The following ANKRD42 variants were observed in gnomAD, a reference collection of about 807,000 sequenced individuals.
The protein encoded by ANKRD42 is ankyrin repeat domain 42.
ANKRD42 carries 43 observed loss-of-function variants against 51.5 expected under a neutral mutation model. The observed-to-expected ratio is 0.83, with a 90% CI of 0.65 to 1.08. ANKRD42 has a LOEUF of 1.08. ANKRD42 is among the 50% of genes least tolerant of loss of function. The probability of loss-of-function intolerance (pLI) is 0.00; values close to 1 mark genes in which losing one functional copy is unlikely to be tolerated. For synonymous variants in ANKRD42, 203 were observed against 213.0 expected (o/e 0.95, Z 0.41); for missense variants, 608 against 629.3 (o/e 0.97, Z 0.36).
rs903072829 is a variant in ANKRD42, at chr11:83,210,343, G to A, written c.374G>A (p.Arg125Gln). The change falls in exon 4 of 11, where the codon CGG becomes CAG. Residue 125 changes from arginine (R) to glutamine (Q), a missense_variant. Arg to Gln is a conservative substitution (Grantham distance 43). Transcript: ENST00000533342. Reference sequence around the variant, plus strand: ...GCAAATCTGACAGCCCAGGATGACCGGGGATGCACTCCTTTACATCTTGCT... The same window carrying A: ...GCAAATCTGACAGCCCAGGATGACCAGGGATGCACTCCTTTACATCTTGCT... ...NGANLTAQDD[R>Q]GCTPLHLAAT... 3.1e-6 allele frequency: 5 copies of A among 1,613,798 alleles called. No individual in the cohort carries two copies. Among genetic ancestry groups the A allele is most frequent in the Middle Eastern group, 3.3e-4 (2 of 6,058 alleles).
chr11:83,216,907 G>A (rs1015138397), intron 5 of ANKRD42, among the ~76,000 whole-genome samples: 5 of 152,158 alleles, frequency 3.3e-5, no homozygotes, highest in African/African-American at 9.7e-5. Context: ...GGAACTGGGC[G>A]GCAGTCATTC....
intron 11 of ANKRD42, among the ~76,000 whole-genome samples, chr11:83,254,615 G>T (rs1863734599): frequency 6.6e-6 from 1 of 151,810 alleles, no homozygotes; most frequent in Non-Finnish European, 1.5e-5. Context: ...ATTTTTAGCG[G>T]AGATAGGGTT....
At chr11:83,208,394 T>A (rs533324793) in intron 3 of ANKRD42, among the ~76,000 whole-genome samples, 30 of 152,246 alleles carry the variant, frequency 2.0e-4, no homozygotes, top group Admixed American at 7.8e-4. Flanking sequence ...TGAATATGTT[T>A]GTATATATAT....
intron 3 of ANKRD42, among the ~76,000 whole-genome samples, chr11:83,208,290 C>T (rs1862161699): frequency 1.3e-5 from 2 of 152,028 alleles, no homozygotes; most frequent in African/African-American, 2.4e-5. Flanking sequence ...CCTTGGCCTC[C>T]CAAAATGCTG....
chr11:83,248,245 A>G lies in ANKRD42; in HGVS notation c.*41A>G, dbSNP rs1175587748. ...TAACCTTTTTGTGCCTCAACTATAA[A>G]CTGGAGATGATAACTTATACTTTCT... On this transcript the variant is annotated 3_prime_UTR_variant, in exon 11 of 11. Coordinates refer to ENST00000533342, the MANE Select transcript of ANKRD42 (RefSeq NM_001300975.2). 1 of 1,451,744 alleles carries G rather than the reference A, an allele frequency of 6.9e-7. No homozygotes were observed. The highest frequency in any genetic ancestry group is 1.4e-5 in the African/African-American group (1 of 69,714). 89.9% of individuals were successfully genotyped at this position (1,451,744 alleles called of 1,614,324 possible).
chr11:83,225,316 C>A (rs1184979453), intron 6 of ANKRD42, among the ~76,000 whole-genome samples: 1 of 152,026 alleles, frequency 6.6e-6, no homozygotes, highest in East Asian at 1.9e-4. Flanking sequence ...CCGGTAATCC[C>A]AGAACTTCGG....
rs190406252 is a variant in ANKRD42, at chr11:83,219,802, T to G, written c.587-5053T>G. ...TTCTACTATCCACATGAAAATTACC[T>G]GTCTTTAAATTGTCCTGATGTGGGG... On this transcript the variant is annotated intron_variant, in intron 5 of 10. Transcript: ENST00000533342. Among the ~76,000 whole-genome samples, 294 of 152,330 alleles carry G rather than the reference T, an allele frequency of 1.9e-3. 1 individual carries two copies. The highest frequency in any genetic ancestry group is 6.6e-3 in the African/African-American group (273 of 41,574).
intron 5 of ANKRD42, 85 bp from the exon 6 acceptor site, chr11:83,224,770 C>A: frequency 8.8e-7 from 1 of 1,140,508 alleles, no homozygotes; most frequent in Non-Finnish European, 1.2e-6. Context: ...GGTTACAGAG[C>A]AAGATCTTGT....
At chr11:83,255,237 G>T (rs1863748406) in intron 11 of ANKRD42, among the ~76,000 whole-genome samples, 1 of 152,196 alleles carries the variant, frequency 6.6e-6, no homozygotes, top group African/African-American at 2.4e-5. Context: ...ACCATCCATT[G>T]TGTTTCTAGC....
At chr11:83,225,421 G>T (rs949289623) in intron 6 of ANKRD42, among the ~76,000 whole-genome samples, 2 of 151,834 alleles carry the variant, frequency 1.3e-5, no homozygotes, top group Non-Finnish European at 2.9e-5. Flanking sequence ...ACAGAAATTA[G>T]CTGTATGTGG....
intron 5 of ANKRD42, among the ~76,000 whole-genome samples, chr11:83,215,964 T>G (rs950022354): frequency 6.6e-6 from 1 of 152,226 alleles, no homozygotes; most frequent in South Asian, 2.1e-4. Context: ...CCAGCTAATT[T>G]TTGTATTTTT....
chr11:83,207,342 A>G (rs1020276984), intron 3 of ANKRD42, among the ~76,000 whole-genome samples: 6 of 152,256 alleles, frequency 3.9e-5, no homozygotes, highest in African/African-American at 1.2e-4. Flanking sequence ...CCTGCCAGGA[A>G]GAAGCGTGAG....
intron 5 of ANKRD42, chr11:83,215,274 A>G (rs989086864): frequency 1.3e-5 from 2 of 152,046 alleles, no homozygotes; most frequent in Non-Finnish European, 2.9e-5. Context: ...TTTATTTAAT[A>G]TAAATATAGC....
At chr11:83,233,919 G>A (rs1410367824) in intron 7 of ANKRD42, among the ~76,000 whole-genome samples, 1 of 152,216 alleles carries the variant, frequency 6.6e-6, no homozygotes, top group Non-Finnish European at 1.5e-5. Flanking sequence ...TTGACCTCAG[G>A]TGATCCACCC....
chr11:83,241,731 C>G (rs1863393990), intron 9 of ANKRD42, among the ~76,000 whole-genome samples: 1 of 152,064 alleles, frequency 6.6e-6, no homozygotes, highest in African/African-American at 2.4e-5. Flanking sequence ...TACAAAATCT[C>G]AGCATATAGA....
intron 7 of ANKRD42, among the ~76,000 whole-genome samples, chr11:83,232,001 A>G (rs146502595): frequency 0.012 from 1,869 of 151,924 alleles, 15 homozygotes; most frequent in Middle Eastern, 0.024. Flanking sequence ...GCCCTATAGT[A>G]TAATTTGAAA....
intron 7 of ANKRD42, among the ~76,000 whole-genome samples, chr11:83,233,810 G>A (rs1863149840): frequency 6.6e-6 from 1 of 152,152 alleles, no homozygotes; most frequent in African/African-American, 2.4e-5. Context: ...AGCCTCCCAA[G>A]TGGCTGGGAT....
chr11:83,237,192 A>G (rs1388177293), intron 8 of ANKRD42, among the ~76,000 whole-genome samples: 2 of 152,228 alleles, frequency 1.3e-5, no homozygotes, highest in Non-Finnish European at 2.9e-5. Context: ...TGGAGAGACA[A>G]ATATGCAAAT....
In ANKRD42 at chr11:83,236,522, GTCT is replaced by G; in HGVS notation, c.1019+18_1019+20del. ...ATGTGGCAAAGAGGTATAAATCTCT[GTCT>G]TCTTTACTCCTTTCTTTTCTCTTTA... On this transcript the variant is annotated intron_variant, in intron 8 of 10. Transcript: ENST00000533342. 1 of 1,583,198 alleles carries G rather than the reference GTCT, an allele frequency of 6.3e-7. No homozygotes were observed. Among genetic ancestry groups the G allele is most frequent in the Non-Finnish European group, 8.6e-7 (1 of 1,161,532 alleles).
Sources: gnomAD v4.1 joint callset for allele counts (sites outside exome capture counted in the v4.1 genomes callset) on GRCh38, gnomAD v4.1.1 for gene constraint, MANE v1.5 for transcripts, NCBI Gene and HGNC (gene_info 2026-07-23, HGNC 2026-07-21) for gene names.